GRM8: variants seen among roughly 807,000 people sequenced by gnomAD.
GRM8 encodes the protein glutamate metabotropic receptor 8.
In GRM8, 47 loss-of-function variants were observed where a neutral mutation model predicts 87.2. The observed-to-expected ratio is 0.54, with a 90% CI of 0.43 to 0.69. GRM8 has a LOEUF of 0.69. Ranked by LOEUF, GRM8 falls within the 30% of genes least tolerant of loss-of-function variation. The probability of loss-of-function intolerance (pLI) is 0.00; values close to 1 mark genes in which losing one functional copy is unlikely to be tolerated. For missense variants in GRM8, 1,019 were observed against 1,139.2 expected (o/e 0.89, Z 1.52); for synonymous variants, 396 against 404.5 (o/e 0.98, Z 0.25).
At position 127,134,259 on chromosome 7, in the gene GRM8, C is replaced by T. The variant is rs1237536857; in HGVS notation, c.511-27547G>A. On this transcript the variant is annotated intron_variant, in intron 2 of 10. Transcript: ENST00000339582. ...GAACTTGTTGCTAAGTACATTTGTG[C>T]TCAGAAAGTTTCCTTCGTTAAGAAA... Among the ~76,000 whole-genome samples, 5 of 152,140 alleles carry T rather than the reference C, an allele frequency of 3.3e-5. No homozygotes were observed. The South Asian group carries it at 8.3e-4, about 25-fold the overall frequency.
intron 7 of GRM8, among the ~76,000 whole-genome samples, chr7:126,664,673 G>C (rs924575695): frequency 6.6e-5 from 10 of 152,054 alleles, no homozygotes; most frequent in African/African-American, 2.4e-4. Context: ...AAGAATCCTA[G>C]AAGAAAACTT....
At position 127,176,161 on chromosome 7, in the gene GRM8, C is replaced by G. The variant is rs1794091476; in HGVS notation, c.510+66534G>C. ...AAAAATTTATATTGCAAACTCTAGA[C>G]CACTATTAAAAAAATTTTTAAGAAA... On this transcript the variant is annotated intron_variant, in intron 2 of 10. Coordinates refer to ENST00000339582, the MANE Select transcript of GRM8 (RefSeq NM_000845.3). Among the ~76,000 whole-genome samples, 3 of 151,740 alleles carry G rather than the reference C, an allele frequency of 2.0e-5. No homozygotes were observed. The South Asian group carries it at 6.2e-4, about 31-fold the overall frequency.
At chr7:126,670,628 G>C (rs1223427702) in intron 7 of GRM8, among the ~76,000 whole-genome samples, 5 of 152,208 alleles carry the variant, frequency 3.3e-5, no homozygotes, top group East Asian at 1.9e-4. Context: ...TCAAATACAG[G>C]CTTCTGATAA....
At chr7:126,813,212 G>T (rs1354559374) in intron 6 of GRM8, among the ~76,000 whole-genome samples, 1 of 151,934 alleles carries the variant, frequency 6.6e-6, no homozygotes, top group Non-Finnish European at 1.5e-5. Context: ...TATTACAAAG[G>T]TTGAAGCCCA....
chr7:127,249,141 T>C (rs1798730202), intron 1 of GRM8, among the ~76,000 whole-genome samples: 1 of 152,196 alleles, frequency 6.6e-6, no homozygotes, highest in Non-Finnish European at 1.5e-5. Flanking sequence ...CCTGGAAAAG[T>C]ATGAAATTGG....
At chr7:127,232,006 T>C (rs1797713300) in intron 2 of GRM8, among the ~76,000 whole-genome samples, 1 of 152,122 alleles carries the variant, frequency 6.6e-6, no homozygotes, top group Admixed American at 6.5e-5. Context: ...TGAATAAAAC[T>C]GACTCTTACC....
chr7:126,622,736 TA>T (rs1800301315), intron 7 of GRM8, among the ~76,000 whole-genome samples: 1 of 152,210 alleles, frequency 6.6e-6, no homozygotes, highest in African/African-American at 2.4e-5. Context: ...AGAAAGCAAC[TA>T]AAATCCGTTA....
At chr7:126,819,493 T>C (rs893126507) in intron 6 of GRM8, among the ~76,000 whole-genome samples, 6 of 152,202 alleles carry the variant, frequency 3.9e-5, no homozygotes, top group Non-Finnish European at 8.8e-5. Flanking sequence ...CGTGTCTTAG[T>C]CTTCATCATA....
intron 7 of GRM8, among the ~76,000 whole-genome samples, chr7:126,745,187 G>GA (rs1230383946): frequency 6.6e-6 from 1 of 151,006 alleles, no homozygotes; most frequent in Non-Finnish European, 1.5e-5. Context: ...CAATTTAATA[G>GA]AAAAAAAAGA....
chr7:126,554,563 A>T (rs1224143587), intron 8 of GRM8, among the ~76,000 whole-genome samples: 1 of 152,180 alleles, frequency 6.6e-6, no homozygotes, highest in Non-Finnish European at 1.5e-5. Flanking sequence ...ACTGCACTCC[A>T]GCCTGAGTGA....
intron 7 of GRM8, among the ~76,000 whole-genome samples, chr7:126,631,531 T>C (rs1471753675): frequency 6.6e-6 from 1 of 151,836 alleles, no homozygotes; most frequent in Non-Finnish European, 1.5e-5. Context: ...AGAAAAAAAC[T>C]ATCTTAAAAT....
intron 3 of GRM8, among the ~76,000 whole-genome samples, chr7:127,006,742 C>CTCTCA (rs1201439808): frequency 1.3e-5 from 2 of 151,954 alleles, no homozygotes; most frequent in Non-Finnish European, 2.9e-5. Context: ...CAATATTCTC[C>CTCTCA]AGAGTTCAGT....
chr7:126,478,042 T>G (rs1441237688), intron 9 of GRM8, among the ~76,000 whole-genome samples: 1 of 152,146 alleles, frequency 6.6e-6, no homozygotes, highest in Non-Finnish European at 1.5e-5. Context: ...CACCTGTCAT[T>G]GGATTCAAGT....
At chr7:126,809,741 A>G (rs1793114454) in intron 6 of GRM8, among the ~76,000 whole-genome samples, 1 of 152,150 alleles carries the variant, frequency 6.6e-6, no homozygotes, top group Non-Finnish European at 1.5e-5. Flanking sequence ...TGCCCTTTTC[A>G]GAGTGTCTGT....
chr7:126,626,101 A>AGTGTATGTGTGTGTGT (rs147069195), intron 7 of GRM8, among the ~76,000 whole-genome samples: 12 of 148,738 alleles, frequency 8.1e-5, no homozygotes, highest in African/African-American at 1.7e-4. Flanking sequence ...ATATGAGAGA[A>AGTGTATGTGTGTGTGT]GTGTGTGTGT....
At chr7:127,177,485 C>T (rs538388594) in intron 2 of GRM8, among the ~76,000 whole-genome samples, 45 of 152,328 alleles carry the variant, frequency 3.0e-4, no homozygotes, top group Non-Finnish European at 4.7e-4. Flanking sequence ...AGGCCCTCTC[C>T]ATACTACTAC....
chr7:126,760,290 G>A (rs1321275184), intron 7 of GRM8, among the ~76,000 whole-genome samples: 1 of 152,190 alleles, frequency 6.6e-6, no homozygotes, highest in African/African-American at 2.4e-5. Flanking sequence ...ACTCTAGGAA[G>A]AGCTAGAGTA....
chr7:126,593,105 T>C (rs1283789772), intron 8 of GRM8, among the ~76,000 whole-genome samples: 1 of 151,856 alleles, frequency 6.6e-6, no homozygotes, highest in Non-Finnish European at 1.5e-5. Flanking sequence ...TGAAAAAATT[T>C]GAAAGGATAG....
intron 9 of GRM8, among the ~76,000 whole-genome samples, chr7:126,522,032 C>T (rs1050885510): frequency 1.3e-5 from 2 of 152,136 alleles, no homozygotes; most frequent in African/African-American, 4.8e-5. Context: ...TAGATGCAGT[C>T]ATTAGCCATT....
Sources: gnomAD v4.1 joint callset for allele counts (sites outside exome capture counted in the v4.1 genomes callset) on GRCh38, gnomAD v4.1.1 for gene constraint, MANE v1.5 for transcripts, NCBI Gene and HGNC (gene_info 2026-07-23, HGNC 2026-07-21) for gene names.